The following NAA35 variants were observed in gnomAD, a reference collection of about 807,000 sequenced individuals.
The protein encoded by NAA35 is MAK10 homolog, amino-acid N-acetyltransferase subunit.
In NAA35, 18 loss-of-function variants were observed where a neutral mutation model predicts 101.7. The ratio of observed to expected loss-of-function variants is 0.18; its 90% confidence interval spans 0.12 to 0.26. The LOEUF is 0.26. Ranked by LOEUF, NAA35 falls within the 10% of genes least tolerant of loss-of-function variation. The pLI is 1.00. For synonymous variants in NAA35, 267 were observed against 273.1 expected, an observed-to-expected ratio of 0.98 and a Z score of 0.22; for missense variants, 601 against 886.8, an observed-to-expected ratio of 0.68 and a Z score of 4.09.
At chr9:85,955,353 TATA>T (rs1260064216) in intron 2 of NAA35, among the ~76,000 whole-genome samples, 1,629 of 71,600 alleles carry the variant, frequency 0.023, 56 homozygotes, top group African/African-American at 0.076. Flanking sequence ...TATATATATA[TATA>T]TATATTTTTT....
At chr9:85,984,099 A>G (rs1317537750) in intron 11 of NAA35, among the ~76,000 whole-genome samples, 1 of 151,934 alleles carries the variant, frequency 6.6e-6, no homozygotes, top group East Asian at 1.9e-4. Flanking sequence ...AAGCCAAGGT[A>G]GGAAGATTGC....
intron 2 of NAA35, among the ~76,000 whole-genome samples, chr9:85,952,431 G>A (rs949566266): frequency 6.6e-6 from 1 of 151,508 alleles, no homozygotes; most frequent in Non-Finnish European, 1.5e-5. Flanking sequence ...GATTACAGGC[G>A]CACACCACCA....
chr9:86,013,773 A>C lies in NAA35; in HGVS notation c.1444A>C (p.Arg482=). The C allele has an allele frequency of 6.2e-7, 1 of 1,614,170 alleles. No homozygotes were observed. Among genetic ancestry groups the C allele is most frequent in the Non-Finnish European group, 8.5e-7 (1 of 1,180,000 alleles). The change falls in exon 17 of 23, where the codon AGG becomes CGG. Residue 482 remains arginine (R), a synonymous_variant. Transcript: ENST00000361671. ...CATGCTGTTGAAACAGGAACCCCAA[A>C]GGCAACATTTGGCCTGTTTAGGTAC... is the stretch of plus-strand genomic sequence containing the variant. ...HTMLLKQEPQ[R]QHLACLGTWV...
chr9:85,973,869 A>T (rs1169658975), intron 6 of NAA35, among the ~76,000 whole-genome samples: 1 of 150,988 alleles, frequency 6.6e-6, no homozygotes, highest in Admixed American at 6.6e-5. Context: ...CTTGAATTTG[A>T]TGCTCACTGT....
Position 85,996,550 on chromosome 9 carries a change from G to A in NAA35, c.1029G>A (p.Val343=), listed in dbSNP as rs754673277. 1 of 1,582,978 alleles carries A rather than the reference G, an allele frequency of 6.3e-7. No individual in the cohort carries two copies. The highest frequency in any genetic ancestry group is 8.5e-7 in the Non-Finnish European group (1 of 1,170,746). ...IDRIKTVCEV[V]NLTNLHCILD... is the part of the protein sequence containing the mutation. ...GAATAAAAACTGTCTGTGAGGTTGTGAATTTAACAAATTTACATTGTATCC... is the reference window on the plus strand; with the variant it reads ...GAATAAAAACTGTCTGTGAGGTTGTAAATTTAACAAATTTACATTGTATCC... The change falls in exon 12 of 23, where the codon GTG becomes GTA. Residue 343 remains valine, a synonymous_variant. Coordinates refer to ENST00000361671, the MANE Select transcript of NAA35 (RefSeq NM_024635.4).
intron 11 of NAA35, among the ~76,000 whole-genome samples, chr9:85,985,800 A>G (rs1298931871): frequency 6.6e-6 from 1 of 152,216 alleles, no homozygotes; most frequent in Non-Finnish European, 1.5e-5. Flanking sequence ...AAATGATTTC[A>G]GACTGGGGGG....
At chr9:85,968,933 T>C (rs1291926499) in intron 6 of NAA35, among the ~76,000 whole-genome samples, 6 of 152,176 alleles carry the variant, frequency 3.9e-5, no homozygotes, top group Non-Finnish European at 7.3e-5. Context: ...TTGTCTCTCT[T>C]TTTGATTTGC....
chr9:86,008,321 C>G (rs553728734), intron 14 of NAA35, among the ~76,000 whole-genome samples: 3 of 152,304 alleles, frequency 2.0e-5, no homozygotes, highest in East Asian at 3.9e-4. Context: ...CTTGGCCTCC[C>G]AAAGTGCTGG....
chr9:85,950,203 A>G (rs1045667464), intron 2 of NAA35, among the ~76,000 whole-genome samples: 1 of 152,114 alleles, frequency 6.6e-6, no homozygotes, highest in Non-Finnish European at 1.5e-5. Flanking sequence ...GTAAATTCTT[A>G]AGTTTACTGT....
chr9:85,966,526 CA>C, intron 6 of NAA35: 1 of 764,834 alleles, frequency 1.3e-6, no homozygotes, highest in South Asian at 2.0e-5. Flanking sequence ...CCAGGAAATA[CA>C]AATGAAAATG....
At chr9:85,973,342 C>T (rs1446539204) in intron 6 of NAA35, among the ~76,000 whole-genome samples, 1 of 152,172 alleles carries the variant, frequency 6.6e-6, no homozygotes, top group African/African-American at 2.4e-5. Flanking sequence ...GACTTATTTT[C>T]AGACAATCCT....
intron 2 of NAA35, among the ~76,000 whole-genome samples, chr9:85,955,360 A>ATATATAT (rs749448250): frequency 1.9e-5 from 1 of 53,932 alleles, no homozygotes; most frequent in African/African-American, 7.7e-5. Context: ...ATATATATAT[A>ATATATAT]TTTTTTTTTT....
intron 2 of NAA35, among the ~76,000 whole-genome samples, chr9:85,951,005 G>C (rs1335049978): frequency 6.6e-6 from 1 of 152,006 alleles, no homozygotes; most frequent in Non-Finnish European, 1.5e-5. Flanking sequence ...GGGCGTGGCA[G>C]TGTGCACCTG....
At chr9:85,966,593 C>T (rs1011269777) in intron 6 of NAA35, 6 of 1,236,216 alleles carry the variant, frequency 4.9e-6, no homozygotes, top group Middle Eastern at 2.3e-4. Context: ...CTCTTGATCT[C>T]AGATTTCGCG....
In NAA35 at chr9:86,013,099, T is replaced by C; in HGVS notation, c.1344T>C (p.Asp448=). The C allele has an allele frequency of 6.3e-7, 1 of 1,596,782 alleles. No individual in the cohort carries two copies. The highest frequency in any genetic ancestry group is 8.6e-7 in the Non-Finnish European group (1 of 1,167,946). The stretch of plus-strand genomic sequence containing the variant: ...GACATAACAGGGCTCGACAGAGAGA[T>C]AAGCTTGGTCATATTCTTGAGGAAT... ...IHGHNRARQR[D]KLGHILEEFA... is the part of the protein sequence containing the mutation. The change falls in exon 16 of 23, where the codon GAT becomes GAC. Residue 448 remains aspartate, a synonymous_variant. Coordinates refer to ENST00000361671, the MANE Select transcript of NAA35 (RefSeq NM_024635.4).
In NAA35 at chr9:85,961,995, T is replaced by A. The variant is rs542412574; in HGVS notation, c.349-18T>A. On this transcript the variant is annotated intron_variant, in intron 5 of 22. Transcript: ENST00000361671. Reference sequence around the variant, plus strand: ...TCAGTTTATCACCTTAAATATATACTCTTTTGTTTCTTTATAGATAACGTG... The same window carrying A: ...TCAGTTTATCACCTTAAATATATACACTTTTGTTTCTTTATAGATAACGTG... 2.5e-6 allele frequency: 4 copies of A among 1,587,206 alleles called. No individual in the cohort carries two copies. The highest frequency in any genetic ancestry group is 4.5e-5 in the East Asian group (2 of 44,646).
chr9:85,951,304 A>C (rs1243974419), intron 2 of NAA35, among the ~76,000 whole-genome samples: 6 of 152,214 alleles, frequency 3.9e-5, no homozygotes, highest in African/African-American at 9.6e-5. Flanking sequence ...TTGAATTCTC[A>C]TATTTGCTTC....
chr9:85,990,225 G>A (rs1016239562), intron 11 of NAA35, among the ~76,000 whole-genome samples: 3 of 152,180 alleles, frequency 2.0e-5, no homozygotes, highest in Non-Finnish European at 4.4e-5. Context: ...GAACTAATCC[G>A]TACCTGTGAG....
intron 2 of NAA35, among the ~76,000 whole-genome samples, chr9:85,952,069 A>G (rs1227587336): frequency 6.6e-6 from 1 of 152,222 alleles, no homozygotes; most frequent in African/African-American, 2.4e-5. Context: ...TGTTAGACTT[A>G]CAGTGGCAGA....
Sources: gnomAD v4.1 joint callset for allele counts (sites outside exome capture counted in the v4.1 genomes callset) on GRCh38, gnomAD v4.1.1 for gene constraint, MANE v1.5 for transcripts, NCBI Gene and HGNC (gene_info 2026-07-23, HGNC 2026-07-21) for gene names.